RGS20: variants seen among roughly 807,000 people sequenced by gnomAD.
The protein encoded by RGS20 is gz-selective GTPase-activating protein.
Under a neutral mutation model 33.6 loss-of-function variants are expected in RGS20, and 30 were observed. That is an observed-to-expected ratio of 0.89 (90% CI 0.67 to 1.21). The LOEUF (loss-of-function observed/expected upper bound fraction) is 1.21, where lower values mean the gene tolerates loss of function less well. RGS20 is among the 50% of genes most tolerant of loss of function. The pLI is 0.00. For missense variants in RGS20, 472 were observed against 502.4 expected (o/e 0.94, Z 0.58); for synonymous variants, 208 against 197.9 (o/e 1.05, Z -0.43).
At chr8:53,907,842 G>A (rs1389476781) in intron 2 of RGS20, among the ~76,000 whole-genome samples, 2 of 152,136 alleles carry the variant, frequency 1.3e-5, no homozygotes, top group African/African-American at 2.4e-5. Context: ...GGTCATTACC[G>A]GCTACCGTGT....
chr8:53,945,886 C>CAAA (rs1487138498), intron 3 of RGS20, among the ~76,000 whole-genome samples: 1 of 135,140 alleles, frequency 7.4e-6, no homozygotes. Flanking sequence ...GACTTGGTCT[C>CAAA]CAAAAAAAAA....
At chr8:53,881,511 G>T (rs999274219) in intron 2 of RGS20, among the ~76,000 whole-genome samples, 3 of 152,148 alleles carry the variant, frequency 2.0e-5, no homozygotes, top group African/African-American at 7.2e-5. Flanking sequence ...ACAAGGAAGG[G>T]GTTGGGCGCC....
chr8:53,884,613 T>C (rs184499883), intron 2 of RGS20, among the ~76,000 whole-genome samples: 1 of 152,328 alleles, frequency 6.6e-6, no homozygotes, highest in African/African-American at 2.4e-5. Flanking sequence ...GCCAGAGATC[T>C]CCAGCTAATT....
intron 1 of RGS20, among the ~76,000 whole-genome samples, chr8:53,866,220 C>A (rs1811914838): frequency 6.6e-6 from 1 of 152,092 alleles, no homozygotes; most frequent in Non-Finnish European, 1.5e-5. Flanking sequence ...ATGTATGGTG[C>A]TTTGAGTACC....
At chr8:53,911,519 A>G (rs570836463) in intron 2 of RGS20, among the ~76,000 whole-genome samples, 1 of 151,434 alleles carries the variant, frequency 6.6e-6, no homozygotes, top group African/African-American at 2.4e-5. Flanking sequence ...TGAAAATCTT[A>G]GGTAAGATAG....
intron 2 of RGS20, among the ~76,000 whole-genome samples, chr8:53,921,519 C>T (rs1813646188): frequency 6.6e-6 from 1 of 151,462 alleles, no homozygotes; most frequent in Non-Finnish European, 1.5e-5. Context: ...AAATAACTAA[C>T]CAATCTCTTT....
Position 53,954,064 on chromosome 8 carries a change from G to A in RGS20, c.744-12G>A. The A allele has an allele frequency of 6.3e-7, 1 of 1,592,296 alleles. No homozygotes were observed. The highest frequency in any genetic ancestry group is 8.6e-7 in the Non-Finnish European group (1 of 1,160,500). On this transcript the variant is annotated splice_polypyrimidine_tract_variant and intron_variant, in intron 4 of 5. Transcript: ENST00000297313. ...GTTCCCTTTTGCCCCCTCTCTTTTG[G>A]TCTCCACGAAGCCCTGCTCCTACTC...
chr8:53,880,815 A>C, intron 2 of RGS20, 57 bp from the exon 1 acceptor site: 1 of 1,324,762 alleles, frequency 7.5e-7, no homozygotes. Context: ...CGCTGGAGGG[A>C]GGCGAGACGT....
At chr8:53,935,856 A>G (rs1039615323) in intron 2 of RGS20, among the ~76,000 whole-genome samples, 1 of 152,234 alleles carries the variant, frequency 6.6e-6, no homozygotes, top group Non-Finnish European at 1.5e-5. Context: ...TCAATAAAAT[A>G]CTGGCAAACC....
rs748012388 is a variant in RGS20 at position 53,954,260 on chromosome 8, A to C, written c.928A>C (p.Lys310Gln). The change falls in exon 5 of 6, where the codon AAA (lysine) becomes CAA (glutamine). Residue 310 changes from lysine (K) to glutamine (Q), a missense_variant. Coordinates refer to ENST00000297313, the MANE Select transcript of RGS20 (RefSeq NM_170587.4). ...AGCTAATAAAAACATTATTGAAGAG[A>C]AAGCAAGGATAATCTATGAAGACTA... 2.5e-6 allele frequency: 4 copies of C among 1,613,634 alleles called. No individual in the cohort carries two copies. The highest frequency in any genetic ancestry group is 3.4e-6 in the Non-Finnish European group (4 of 1,179,666).
At chr8:53,916,686 T>G (rs1410852689) in intron 2 of RGS20, among the ~76,000 whole-genome samples, 1 of 152,216 alleles carries the variant, frequency 6.6e-6, no homozygotes, top group African/African-American at 2.4e-5. Context: ...TGTCCTGCTT[T>G]GTAAAGAGAG....
chr8:53,924,258 T>C (rs1813730636), intron 2 of RGS20, among the ~76,000 whole-genome samples: 1 of 152,016 alleles, frequency 6.6e-6, no homozygotes, highest in Non-Finnish European at 1.5e-5. Flanking sequence ...TGGTGTATGT[T>C]GGCTCACAGC....
chr8:53,954,112 T>C lies in RGS20; in HGVS notation c.780T>C (p.Ala260=). The C allele has an allele frequency of 6.2e-7, 1 of 1,614,082 alleles. No individual in the cohort carries two copies. Among genetic ancestry groups the C allele is most frequent in the Non-Finnish European group, 8.5e-7 (1 of 1,179,986 alleles). ...CTCTGGAAGAAGTCAACGCCTGGGC[T>C]CAGTCATTTGACAAATTAATGGTCA... is the stretch of plus-strand genomic sequence containing the variant. Residue 260 remains alanine, a synonymous_variant, in exon 5 of 6, where the codon GCT becomes GCC. Coordinates refer to ENST00000297313, the MANE Select transcript of RGS20 (RefSeq NM_170587.4).
intron 5 of RGS20, among the ~76,000 whole-genome samples, chr8:53,956,545 AAG>A (rs1814868093): frequency 1.3e-5 from 2 of 152,152 alleles, no homozygotes; most frequent in Non-Finnish European, 2.9e-5. Flanking sequence ...GCTAGAGAGG[AAG>A]AGTCGGATTT....
intron 2 of RGS20, among the ~76,000 whole-genome samples, chr8:53,917,480 T>A (rs1323125644): frequency 6.6e-6 from 1 of 152,170 alleles, no homozygotes; most frequent in Non-Finnish European, 1.5e-5. Context: ...TATTTTCCCA[T>A]CATTATCTCC....
At chr8:53,916,213 G>C (rs1405184579) in intron 2 of RGS20, among the ~76,000 whole-genome samples, 1 of 152,082 alleles carries the variant, frequency 6.6e-6, no homozygotes, top group Admixed American at 6.5e-5. Context: ...GTAGAGACAA[G>C]GTTTCACTGT....
At chr8:53,863,682 A>T (rs1167937628) in intron 1 of RGS20, among the ~76,000 whole-genome samples, 1 of 151,790 alleles carries the variant, frequency 6.6e-6, no homozygotes, top group Non-Finnish European at 1.5e-5. Flanking sequence ...TTGGTTTTTG[A>T]ATTCAGGTCT....
In RGS20 at chr8:53,939,631, A is replaced by C. The variant is rs1186911110; in HGVS notation, c.566A>C (p.Asp189Ala). The C allele has an allele frequency of 2.5e-6, 4 of 1,605,124 alleles. No individual in the cohort carries two copies. The highest frequency in any genetic ancestry group is 1.3e-5 in the African/African-American group (1 of 74,884). The stretch of plus-strand genomic sequence containing the variant: ...AAGCGGCAGATGCCCGCCGCCCAGG[A>C]CACACCAGGCGCCGCCCCAGGCCAG... Residue 189 changes from aspartate to alanine, a missense_variant, in exon 3 of 6, where the codon GAC (aspartate) becomes GCC (alanine). This residue lies in a region of RGS20 where 319 missense variants were observed against 283.4 expected (regional missense o/e 1.13). Transcript: ENST00000297313.
At chr8:53,889,071 A>T (rs1168546214) in intron 2 of RGS20, among the ~76,000 whole-genome samples, 3 of 152,188 alleles carry the variant, frequency 2.0e-5, no homozygotes, top group African/African-American at 7.2e-5. Context: ...CCCAGGATAA[A>T]AATTGTTGGG....
Sources: gnomAD v4.1 joint callset for allele counts (sites outside exome capture counted in the v4.1 genomes callset) on GRCh38, gnomAD v4.1.1 for gene constraint, gnomAD v4.1.1 regional missense constraint, MANE v1.5 for transcripts, NCBI Gene and HGNC (gene_info 2026-07-23, HGNC 2026-07-21) for gene names.